Variants in GAB2 observed in about 807,000 individuals in gnomAD.
GAB2 encodes GRB2 associated binding protein 2, also known as GRB2-associated-binding protein 2.
GAB2 carries 26 observed loss-of-function variants against 65.5 expected under a neutral mutation model. That is an observed-to-expected ratio of 0.40 (90% CI 0.29 to 0.55). The LOEUF (loss-of-function observed/expected upper bound fraction) is 0.55. Ranked by LOEUF, GAB2 falls within the 20% of genes least tolerant of loss-of-function variation. The pLI is 0.53. For synonymous variants in GAB2, 321 were observed against 329.6 expected, an observed-to-expected ratio of 0.97 and a Z score of 0.28; for missense variants, 884 against 875.8, an observed-to-expected ratio of 1.01 and a Z score of -0.12.
chr11:78,391,522 G>A (rs1362492225), intron 1 of GAB2, among the ~76,000 whole-genome samples: 1 of 152,170 alleles, frequency 6.6e-6, no homozygotes, highest in Non-Finnish European at 1.5e-5. Flanking sequence ...CACTCTTGGA[G>A]CCCTTAAGCA....
At position 78,280,589 on chromosome 11, in the gene GAB2, G is replaced by A. The variant is rs780405031; in HGVS notation, c.376+12C>T. The stretch of plus-strand genomic sequence containing the variant: ...AACCCCCTATGAGAAAGATCTGTGT[G>A]CGTTCTCATACCTGTGCTCTCCTCA... On this transcript the variant is annotated intron_variant, in intron 2 of 9. Transcript: ENST00000361507. 6.2e-7 allele frequency: 1 copy of A among 1,602,884 alleles called. No individual in the cohort carries two copies. The highest frequency in any genetic ancestry group is 1.1e-5 in the South Asian group (1 of 90,144).
intron 1 of GAB2, among the ~76,000 whole-genome samples, chr11:78,364,842 G>C (rs1856477603): frequency 6.6e-6 from 1 of 152,186 alleles, no homozygotes; most frequent in South Asian, 2.1e-4. Flanking sequence ...GATACAGAGT[G>C]AGATTTGGAC....
At chr11:78,381,925 C>T (rs1198219345) in intron 1 of GAB2, among the ~76,000 whole-genome samples, 1 of 152,226 alleles carries the variant, frequency 6.6e-6, no homozygotes, top group East Asian at 1.9e-4. Context: ...AATAAGAGCT[C>T]TAACTCCTTA....
At chr11:78,328,175 C>T (rs1855856980) in intron 1 of GAB2, among the ~76,000 whole-genome samples, 1 of 152,188 alleles carries the variant, frequency 6.6e-6, no homozygotes, top group Admixed American at 6.5e-5. Context: ...ACACTAGGCA[C>T]TCTCGGGTCC....
rs116837350 is a variant in GAB2, at chr11:78,383,787, G to A, written c.75+33859C>T. Among the ~76,000 whole-genome samples, 1,198 of 152,070 alleles carry A rather than the reference G, an allele frequency of 7.9e-3. 18 individuals carry two copies. The highest frequency in any genetic ancestry group is 0.027 in the African/African-American group (1,132 of 41,474). On this transcript the variant is annotated intron_variant, in intron 1 of 9. Transcript: ENST00000361507. ...AATTAAATGAATGGCCACAGACCTC[G>A]TCCCAGGAGTAGTGAGTCAGGGTAA...
chr11:78,282,291 C>A (rs1333562670), intron 1 of GAB2, among the ~76,000 whole-genome samples: 1 of 151,674 alleles, frequency 6.6e-6, no homozygotes, highest in Non-Finnish European at 1.5e-5. Flanking sequence ...TATGCTTTAC[C>A]ATTGACTGGC....
At chr11:78,363,707 C>A (rs970099443) in intron 1 of GAB2, among the ~76,000 whole-genome samples, 17 of 151,800 alleles carry the variant, frequency 1.1e-4, no homozygotes, top group Non-Finnish European at 1.0e-4. Context: ...ACTTCAGCCT[C>A]CCAAGTAGTT....
chr11:78,233,227 G>A (rs780758057), intron 3 of GAB2, among the ~76,000 whole-genome samples: 3 of 152,078 alleles, frequency 2.0e-5, no homozygotes, highest in African/African-American at 7.3e-5. Context: ...TAGAGATGGG[G>A]TGTCGCCATG....
At chr11:78,300,685 G>GTTTTTTTTTTTTTTTT (rs763136988) in intron 1 of GAB2, among the ~76,000 whole-genome samples, 4 of 120,658 alleles carry the variant, frequency 3.3e-5, no homozygotes, top group African/African-American at 7.0e-5. Flanking sequence ...TTTTTTTTTG[G>GTTTTTTTTTTTTTTTT]TTTTTTTTTG....
chr11:78,349,270 C>T (rs1036330519), intron 1 of GAB2, among the ~76,000 whole-genome samples: 45 of 152,172 alleles, frequency 3.0e-4, no homozygotes, highest in African/African-American at 1.0e-3. Flanking sequence ...CCATATCTCA[C>T]GATCACTGGG....
chr11:78,345,835 C>G (rs1856170838), intron 1 of GAB2, among the ~76,000 whole-genome samples: 1 of 152,072 alleles, frequency 6.6e-6, no homozygotes, highest in Admixed American at 6.5e-5. Context: ...TGGGAGACAC[C>G]GACTGTCCTC....
intron 1 of GAB2, among the ~76,000 whole-genome samples, chr11:78,361,868 CTAGAGA>C (rs67384921): frequency 0.053 from 8,085 of 152,008 alleles, 320 homozygotes; most frequent in Non-Finnish European, 0.077. Context: ...GAAACTTATC[CTAGAGA>C]TAAACTAACA....
At chr11:78,335,666 G>A (rs1855984754) in intron 1 of GAB2, among the ~76,000 whole-genome samples, 1 of 152,056 alleles carries the variant, frequency 6.6e-6, no homozygotes, top group African/African-American at 2.4e-5. Flanking sequence ...ATTTGAAGTG[G>A]GTAATGTGAT....
intron 3 of GAB2, among the ~76,000 whole-genome samples, chr11:78,238,647 A>G (rs1014597563): frequency 2.0e-5 from 3 of 152,192 alleles, no homozygotes; most frequent in Non-Finnish European, 4.4e-5. Context: ...AAATGGATCA[A>G]AGACCTAAAT....
intron 2 of GAB2, among the ~76,000 whole-genome samples, chr11:78,271,642 C>T (rs2134567014): frequency 6.6e-6 from 1 of 152,304 alleles, no homozygotes; most frequent in Middle Eastern, 3.4e-3. Flanking sequence ...CTGCCACAAA[C>T]CTCTTCTAGC....
intron 4 of GAB2, among the ~76,000 whole-genome samples, 196 bp downstream of exon 4, chr11:78,226,266 AACT>A (rs914382644): frequency 5.3e-5 from 8 of 152,214 alleles, no homozygotes; most frequent in African/African-American, 1.7e-4. Flanking sequence ...TCTGTTAGAC[AACT>A]ACTACTAACA....
intron 3 of GAB2, among the ~76,000 whole-genome samples, chr11:78,242,923 G>T (rs1264925173): frequency 6.6e-6 from 1 of 152,200 alleles, no homozygotes; most frequent in Non-Finnish European, 1.5e-5. Context: ...AGCACTTTGG[G>T]AGGCTGAGGC....
At chr11:78,343,669 A>C (rs1856136757) in intron 1 of GAB2, among the ~76,000 whole-genome samples, 1 of 152,238 alleles carries the variant, frequency 6.6e-6, no homozygotes, top group Non-Finnish European at 1.5e-5. Context: ...CAGCACTGTC[A>C]AATACAAATG....
chr11:78,350,837 C>T (rs188845599), intron 1 of GAB2, among the ~76,000 whole-genome samples: 8 of 152,302 alleles, frequency 5.3e-5, no homozygotes, highest in Admixed American at 1.3e-4. Flanking sequence ...GCCTCCTCCC[C>T]AAACTATGCT....
Sources: gnomAD v4.1 joint callset for allele counts (sites outside exome capture counted in the v4.1 genomes callset) on GRCh38, gnomAD v4.1.1 for gene constraint, MANE v1.5 for transcripts, NCBI Gene and HGNC (gene_info 2026-07-23, HGNC 2026-07-21) for gene names.